PRDM16: variants seen among roughly 807,000 people sequenced by gnomAD.
The protein encoded by PRDM16 is PR/SET domain 16, also known as histone-lysine N-methyltransferase PRDM16.
In PRDM16, 23 loss-of-function variants were observed where a neutral mutation model predicts 110.6. The ratio of observed to expected loss-of-function variants is 0.21; its 90% CI spans 0.15 to 0.29. PRDM16 has a LOEUF of 0.29. Among genes scored for constraint, PRDM16 ranks in the 10% least tolerant of loss-of-function variants. The pLI is 1.00. For missense variants in PRDM16, 1,615 were observed against 1,794.3 expected, an observed-to-expected ratio of 0.90 and a Z score of 1.81; for synonymous variants, 799 against 781.8, an observed-to-expected ratio of 1.02 and a Z score of -0.37.
rs1641989135 is a variant in PRDM16, at chr1:3,080,089, A to ACGCTGTAAC, written c.37+10795_37+10803dup. ...GCAGCGATCTGGAGCACTTTTCCGC[A>ACGCTGTAAC]CGCTGTAACCCCTGAGAAGAAACAA... On this transcript the variant is annotated intron_variant, in intron 1 of 16. Coordinates refer to ENST00000270722, the MANE Select transcript of PRDM16 (RefSeq NM_022114.4). This position sits in a 1 kb window ranked among gnomAD's most constrained non-coding sequence, Gnocchi z 5.2. Among the ~76,000 whole-genome samples the ACGCTGTAAC allele has an allele frequency of 6.6e-6, 1 of 152,208 alleles. No homozygotes were observed. Among genetic ancestry groups the ACGCTGTAAC allele is most frequent in the African/African-American group, 2.4e-5 (1 of 41,452 alleles).
rs1411357881 is a variant in PRDM16 at position 3,255,337 on chromosome 1, C to T, written c.438+11200C>T. On this transcript the variant is annotated intron_variant, in intron 3 of 16. Transcript: ENST00000270722. The surrounding 1 kb of genome is among the most constrained non-coding windows in gnomAD (Gnocchi z 4.7). ...GGAGACGGTTTCCAAATGCAGCCTG[C>T]AGACCCCACAGTGGGGTCCTGAGGG... Among the ~76,000 whole-genome samples the T allele has an allele frequency of 6.6e-6, 1 of 152,186 alleles. No homozygotes were observed. Among genetic ancestry groups the T allele is most frequent in the Non-Finnish European group, 1.5e-5 (1 of 68,044 alleles).
rs1643417357 is a variant in PRDM16 at position 3,135,414 on chromosome 1, C to T, written c.38-50711C>T. ...AAAGAAAACACAAGAGCCCACATTTCTTATCTGAGTTAAACAATGAGCTCC... is the reference window on the plus strand; with the variant it reads ...AAAGAAAACACAAGAGCCCACATTTTTTATCTGAGTTAAACAATGAGCTCC... On this transcript the variant is annotated intron_variant, in intron 1 of 16. Transcript: ENST00000270722. Among the ~76,000 whole-genome samples, 4 of 152,234 alleles carry T rather than the reference C, an allele frequency of 2.6e-5. No homozygotes were observed. In the South Asian group the frequency reaches 8.3e-4, roughly 31 times the overall value.
intron 8 of PRDM16, 86 bp downstream of exon 8, chr1:3,405,734 C>T (rs1413752696): frequency 1.1e-5 from 15 of 1,369,558 alleles, no homozygotes; most frequent in Non-Finnish European, 1.5e-5. Context: ...CCCCCAAGGT[C>T]TCCCCCGATC....
chr1:3,332,983 T>A (rs1642074835), intron 3 of PRDM16, among the ~76,000 whole-genome samples: 1 of 152,242 alleles, frequency 6.6e-6, no homozygotes, highest in African/African-American at 2.4e-5. Context: ...TGCAGACTCC[T>A]CTGCTGGTGG....
chr1:3,274,792 C>T (rs1640545667), intron 3 of PRDM16, among the ~76,000 whole-genome samples: 1 of 152,168 alleles, frequency 6.6e-6, no homozygotes, highest in Admixed American at 6.5e-5. Context: ...TTTTCCATTA[C>T]CTTCTTCTCC....
chr1:3,171,996 C>A (rs1644031141), intron 1 of PRDM16, among the ~76,000 whole-genome samples: 1 of 152,218 alleles, frequency 6.6e-6, no homozygotes, highest in African/African-American at 2.4e-5. Context: ...GCTGAAGGAG[C>A]ATCCCTGGGC....
In PRDM16 at chr1:3,437,752, A is replaced by AAAAT. The variant is rs879667261; in HGVS notation, c.*3961_*3964dup. 44 of 218,908 alleles carry AAAAT rather than the reference A, an allele frequency of 2.0e-4. No homozygotes were observed. The highest frequency in any genetic ancestry group is 4.6e-4 in the Admixed American group (8 of 17,278). The allele number at this position is 218,908 out of a possible 1,614,324, so 13.6% of individuals were successfully genotyped here. On this transcript the variant is annotated 3_prime_UTR_variant, in exon 17 of 17. Transcript: ENST00000270722. ...TGATCCGTATTACCACTTTTGGAAAAAAATAAATAAATAAATAAATAAAAG... is the reference window on the plus strand; with the variant it reads ...TGATCCGTATTACCACTTTTGGAAAAAAATAAATAAATAAATAAATAAATAAAAG...
rs1638280900 is a variant in PRDM16 at position 3,190,653 on chromosome 1, A to G, written c.387+4179A>G. Among the ~76,000 whole-genome samples the G allele has an allele frequency of 6.6e-6, 1 of 151,974 alleles. No individual in the cohort carries two copies. The highest frequency in any genetic ancestry group is 1.5e-5 in the Non-Finnish European group (1 of 67,984). On this transcript the variant is annotated intron_variant, in intron 2 of 16. Transcript: ENST00000270722. The surrounding 1 kb of genome is among the most constrained non-coding windows in gnomAD (Gnocchi z 5.0). ...GGGCTTGTCAGGAAGTGCACCCGAA[A>G]TTCCTGGCCTCCTCCATCTGGACAC...
intron 3 of PRDM16, among the ~76,000 whole-genome samples, chr1:3,325,938 C>G (rs1207237040): frequency 2.7e-5 from 4 of 147,470 alleles, no homozygotes; most frequent in Non-Finnish European, 3.0e-5. Context: ...CCCTCTTGGC[C>G]CTCCTTGGCC....
At chr1:3,411,281 G>A (rs1470878265) in intron 8 of PRDM16, 103 bp from the exon 9 acceptor site, 18 of 1,249,660 alleles carry the variant, frequency 1.4e-5, no homozygotes, top group African/African-American at 1.3e-4. Context: ...CCCCAGCCTC[G>A]CCCCTCCAGC....
At position 3,082,273 on chromosome 1, in the gene PRDM16, C is replaced by T. The variant is rs886472898; in HGVS notation, c.37+12977C>T. ...GTGGTCTTCCTTGAGGGGAAGTTTT[C>T]TGTTCCTTGGGTTCTGCAGGAGCAG... is the stretch of plus-strand genomic sequence containing the variant. On this transcript the variant is annotated intron_variant, in intron 1 of 16. Transcript: ENST00000270722. Among the ~76,000 whole-genome samples, 3 of 152,180 alleles carry T rather than the reference C, an allele frequency of 2.0e-5. No homozygotes were observed. In the South Asian group the frequency reaches 6.2e-4, roughly 32 times the overall value.
At chr1:3,087,227 C>CGAGACCAGCCCCACCG (rs1442562185) in intron 1 of PRDM16, among the ~76,000 whole-genome samples, 3 of 143,908 alleles carry the variant, frequency 2.1e-5, no homozygotes, top group African/African-American at 8.1e-5. Context: ...CAGCCCCACC[C>CGAGACCAGCCCCACCG]GAGACCAGCC....
At chr1:3,159,272 C>T (rs1408232392) in intron 1 of PRDM16, among the ~76,000 whole-genome samples, 3 of 152,282 alleles carry the variant, frequency 2.0e-5, no homozygotes, top group African/African-American at 7.2e-5. Context: ...TGCAGAAGTA[C>T]TGCTGCATTC....
Position 3,069,385 on chromosome 1 carries a change from G to A in PRDM16, c.37+89G>A. ...GGGCCAGGGGTGCGCGTCGGGGCGC[G>A]GCCGGCGCGCCTGCGGCTCCGGGCC... On this transcript the variant is annotated intron_variant, in intron 1 of 16. Coordinates refer to ENST00000270722, the MANE Select transcript of PRDM16 (RefSeq NM_022114.4). The surrounding 1 kb of genome is among the most constrained non-coding windows in gnomAD (Gnocchi z 6.1). 2.8e-6 allele frequency: 1 copy of A among 361,380 alleles called. No individual in the cohort carries two copies. The highest frequency in any genetic ancestry group is 1.8e-4 in the East Asian group (1 of 5,582). 22.4% of individuals were successfully genotyped at this position (361,380 alleles called of 1,614,324 possible).
intron 3 of PRDM16, among the ~76,000 whole-genome samples, chr1:3,310,748 A>G (rs1406427133): frequency 3.3e-5 from 5 of 152,108 alleles, no homozygotes; most frequent in Non-Finnish European, 7.4e-5. Context: ...GTCCCTGTGT[A>G]GGAATATGTG....
At chr1:3,225,561 TG>T (rs1639267480) in intron 2 of PRDM16, among the ~76,000 whole-genome samples, 1 of 137,222 alleles carries the variant, frequency 7.3e-6, no homozygotes, top group South Asian at 2.4e-4. Flanking sequence ...TGTGTGTGTG[TG>T]TGTGTGTGTG....
chr1:3,088,400 C>G (rs189052534), intron 1 of PRDM16, among the ~76,000 whole-genome samples: 14 of 152,132 alleles, frequency 9.2e-5, no homozygotes, highest in East Asian at 1.9e-4. Flanking sequence ...AACAACCCCC[C>G]CAGCAGGCTT....
intron 10 of PRDM16, among the ~76,000 whole-genome samples, chr1:3,415,708 A>G (rs1638230261): frequency 6.6e-6 from 1 of 152,234 alleles, no homozygotes; most frequent in Non-Finnish European, 1.5e-5. Context: ...AGCGGGGGGC[A>G]GTTTCCATTG....
intron 3 of PRDM16, among the ~76,000 whole-genome samples, chr1:3,282,983 G>C (rs1004890404): frequency 2.6e-5 from 4 of 152,236 alleles, no homozygotes; most frequent in Admixed American, 2.0e-4. Context: ...CTTTGACACT[G>C]TCATCTTTCA....
Sources: gnomAD v4.1 joint callset for allele counts (sites outside exome capture counted in the v4.1 genomes callset) on GRCh38, gnomAD v4.1.1 for gene constraint, Gnocchi (gnomAD v3.1) non-coding constraint, MANE v1.5 for transcripts, NCBI Gene and HGNC (gene_info 2026-07-23, HGNC 2026-07-21) for gene names.